Variants in EYS observed in about 807,000 individuals in gnomAD.
EYS encodes protein eyes shut homolog.
In EYS, 250 loss-of-function variants were observed where a neutral mutation model predicts 282.1. That is an observed-to-expected ratio of 0.89 (90% confidence interval 0.80 to 0.98). The LOEUF is 0.98. Ranked by LOEUF, EYS falls within the 50% of genes least tolerant of loss-of-function variation. The probability of loss-of-function intolerance (pLI) is 0.00; values close to 1 mark genes in which losing one functional copy is unlikely to be tolerated. For missense variants in EYS, 4,016 were observed against 3,709.0 expected, an observed-to-expected ratio of 1.08 and a Z score of -2.15; for synonymous variants, 1,355 against 1,282.9, an observed-to-expected ratio of 1.06 and a Z score of -1.20.
intron 1 of EYS, among the ~76,000 whole-genome samples, chr6:65,700,940 C>T (rs932349638): frequency 6.6e-6 from 1 of 152,154 alleles, no homozygotes; most frequent in South Asian, 2.1e-4. Flanking sequence ...CAATCTATGT[C>T]ACATATCTGG....
intron 13 of EYS, among the ~76,000 whole-genome samples, chr6:65,027,489 A>T (rs1772456966): frequency 6.6e-6 from 1 of 152,150 alleles, no homozygotes; most frequent in African/African-American, 2.4e-5. Context: ...TTTGACAAAC[A>T]TGTGTACCAT....
intron 2 of EYS, among the ~76,000 whole-genome samples, chr6:65,511,278 A>C (rs150919853): frequency 6.6e-6 from 1 of 152,208 alleles, no homozygotes; most frequent in African/African-American, 2.4e-5. Context: ...TATGTAAATA[A>C]TTCTATTTTA....
chr6:65,247,388 C>T (rs543845294), intron 12 of EYS, among the ~76,000 whole-genome samples: 95 of 152,136 alleles, frequency 6.2e-4, no homozygotes, highest in South Asian at 3.5e-3. Flanking sequence ...AGGACCCATT[C>T]CTATACCTAA....
At chr6:64,771,737 C>T (rs934567786) in intron 22 of EYS, among the ~76,000 whole-genome samples, 2 of 151,668 alleles carry the variant, frequency 1.3e-5, no homozygotes, top group African/African-American at 2.4e-5. Flanking sequence ...AGACTTCTGC[C>T]TTACAGAATT....
At chr6:64,685,943 G>A (rs1168039167) in intron 22 of EYS, among the ~76,000 whole-genome samples, 1 of 151,916 alleles carries the variant, frequency 6.6e-6, no homozygotes, top group Non-Finnish European at 1.5e-5. Context: ...ATCTTATAGA[G>A]TATGTTTTCT....
At chr6:63,979,483 TA>T (rs1175864612) in intron 35 of EYS, among the ~76,000 whole-genome samples, 1 of 151,944 alleles carries the variant, frequency 6.6e-6, no homozygotes, top group African/African-American at 2.4e-5. Context: ...CTGGTAAAAT[TA>T]AGAATAAATT....
chr6:64,768,387 A>G (rs1180747694), intron 22 of EYS, among the ~76,000 whole-genome samples: 1 of 152,216 alleles, frequency 6.6e-6, no homozygotes, highest in Non-Finnish European at 1.5e-5. Context: ...GAATACTCAC[A>G]CAAGATGGAC....
chr6:63,859,067 C>T (rs1772465556), intron 36 of EYS, among the ~76,000 whole-genome samples: 1 of 115,472 alleles, frequency 8.7e-6, no homozygotes, highest in African/African-American at 3.8e-5. Flanking sequence ...CCATTGATGT[C>T]CTAGAGAGTT....
chr6:64,392,206 A>G (rs1471621661), intron 28 of EYS, among the ~76,000 whole-genome samples: 2 of 150,140 alleles, frequency 1.3e-5, no homozygotes, highest in Non-Finnish European at 3.0e-5. Context: ...TGTCAACATT[A>G]GACAGATCAA....
intron 22 of EYS, among the ~76,000 whole-genome samples, chr6:64,663,504 CA>C (rs1230415131): frequency 6.6e-6 from 1 of 152,166 alleles, no homozygotes; most frequent in Non-Finnish European, 1.5e-5. Context: ...ACAAAGCTAT[CA>C]CGGGTTCACT....
intron 19 of EYS, among the ~76,000 whole-genome samples, chr6:64,851,676 C>A (rs1361934357): frequency 6.6e-6 from 1 of 152,040 alleles, no homozygotes; most frequent in Non-Finnish European, 1.5e-5. Flanking sequence ...AGGTCATTAA[C>A]TTTAGAAAAG....
intron 28 of EYS, among the ~76,000 whole-genome samples, chr6:64,409,085 T>G (rs559401678): frequency 6.6e-6 from 1 of 152,284 alleles, no homozygotes; most frequent in South Asian, 2.1e-4. Flanking sequence ...CTTGGGATTA[T>G]GGCCTCCAGC....
chr6:64,359,137 A>G (rs1771925417), intron 29 of EYS, among the ~76,000 whole-genome samples: 1 of 151,714 alleles, frequency 6.6e-6, no homozygotes, highest in South Asian at 2.1e-4. Flanking sequence ...ATTTTTCTCA[A>G]CAAGAGCATT....
chr6:64,787,980 GTCTA>G (rs1176909932), intron 22 of EYS, among the ~76,000 whole-genome samples: 1 of 151,730 alleles, frequency 6.6e-6, no homozygotes, highest in Non-Finnish European at 1.5e-5. Flanking sequence ...TATGCTGCTT[GTCTA>G]TCTGAGTATA....
intron 13 of EYS, among the ~76,000 whole-genome samples, chr6:65,021,385 G>T (rs1253958489): frequency 6.6e-6 from 1 of 152,148 alleles, no homozygotes; most frequent in African/African-American, 2.4e-5. Flanking sequence ...TGTCACCTTT[G>T]CTCTAGTTCC....
intron 22 of EYS, among the ~76,000 whole-genome samples, chr6:64,766,915 G>A: frequency 6.6e-6 from 1 of 151,216 alleles, no homozygotes; most frequent in Non-Finnish European, 1.5e-5. Flanking sequence ...AAAAGCATAG[G>A]TTCAGTACAG....
chr6:64,285,541 G>A (rs780905604), intron 30 of EYS, among the ~76,000 whole-genome samples: 7 of 152,022 alleles, frequency 4.6e-5, no homozygotes, highest in African/African-American at 7.2e-5. Context: ...ATTTTCCTAT[G>A]TTCTTCTGAG....
At chr6:65,529,455 A>C (rs1346914390) in intron 2 of EYS, among the ~76,000 whole-genome samples, 1 of 152,178 alleles carries the variant, frequency 6.6e-6, no homozygotes, top group Non-Finnish European at 1.5e-5. Context: ...AGGAGAACTA[A>C]AATCCCCTAG....
chr6:64,778,687 A>C (rs1254322762), intron 22 of EYS, among the ~76,000 whole-genome samples: 3 of 152,164 alleles, frequency 2.0e-5, no homozygotes, highest in African/African-American at 7.2e-5. Context: ...AAACTCCTAA[A>C]AACCACCACC....
Sources: allele counts gnomAD v4.1 joint callset (sites outside exome capture counted in the v4.1 genomes callset), GRCh38; gene constraint gnomAD v4.1.1; transcripts MANE v1.5; gene names NCBI Gene and HGNC (gene_info 2026-07-23, HGNC 2026-07-21).